Variants in GRIA4 observed in about 807,000 individuals in gnomAD.
GRIA4 encodes glutamate receptor 4.
GRIA4 carries 34 observed loss-of-function variants against 104.0 expected under a neutral mutation model. That is an observed-to-expected ratio of 0.33 (90% CI 0.25 to 0.44). The LOEUF is 0.44. Among genes scored for constraint, GRIA4 ranks in the 20% least tolerant of loss-of-function variants. The probability of loss-of-function intolerance (pLI) is 1.00; values close to 1 mark genes in which losing one functional copy is unlikely to be tolerated. For missense variants in GRIA4, 750 were observed against 1,096.5 expected, an observed-to-expected ratio of 0.68 and a Z score of 4.46; for synonymous variants, 386 against 381.9, an observed-to-expected ratio of 1.01 and a Z score of -0.13.
intron 4 of GRIA4, among the ~76,000 whole-genome samples, chr11:105,816,663 G>T (rs1424442858): frequency 2.5e-4 from 38 of 152,076 alleles, no homozygotes; most frequent in Admixed American, 2.5e-3. Context: ...ATGTCTCATA[G>T]TGTCTTACAT....
chr11:105,954,731 G>A (rs1039131427), intron 14 of GRIA4, among the ~76,000 whole-genome samples: 4 of 151,524 alleles, frequency 2.6e-5, no homozygotes, highest in African/African-American at 9.7e-5. Flanking sequence ...ACACTATAAC[G>A]CCAGAAGCTT....
intron 14 of GRIA4, among the ~76,000 whole-genome samples, chr11:105,938,160 G>C (rs1948095707): frequency 1.3e-5 from 2 of 152,158 alleles, no homozygotes; most frequent in Admixed American, 6.5e-5. Flanking sequence ...TGCTGGGGCA[G>C]GTGTATTAAA....
At chr11:105,908,978 G>C (rs2136159231) in intron 9 of GRIA4, among the ~76,000 whole-genome samples, 1 of 151,922 alleles carries the variant, frequency 6.6e-6, no homozygotes, top group African/African-American at 2.4e-5. Context: ...GGAGAGGGTG[G>C]GTCTCAAATA....
Position 105,866,754 on chromosome 11 carries a change from G to A in GRIA4, c.672+4546G>A, listed in dbSNP as rs1463776648. Among the ~76,000 whole-genome samples the A allele has an allele frequency of 2.0e-5, 3 of 151,622 alleles. No homozygotes were observed. In the South Asian group the frequency reaches 6.2e-4, roughly 32 times the overall value. ...AATACATTATGTAGAAAGTGATAAA[G>A]GATCTTACACTGCCTTGGGGGTTTT... On this transcript the variant is annotated intron_variant, in intron 5 of 16. Coordinates refer to ENST00000282499, the MANE Select transcript of GRIA4 (RefSeq NM_000829.4).
chr11:105,704,017 T>C lies in GRIA4; in HGVS notation c.248-48964T>C, dbSNP rs1013852652. ...GCATTATACAAATATCTTATATCTA[T>C]AATTCATTATTCCTCTATGTCTATA... On this transcript the variant is annotated intron_variant, in intron 3 of 16. Transcript: ENST00000282499. Among the ~76,000 whole-genome samples the C allele has an allele frequency of 1.6e-4, 25 of 152,184 alleles. 1 individual carries two copies. Among genetic ancestry groups the C allele is most frequent in the African/African-American group, 4.6e-4 (19 of 41,464 alleles).
chr11:105,979,645 G>A lies in GRIA4; in HGVS notation c.2615G>A (p.Arg872His), dbSNP rs756483110. Residue 872 changes from arginine (R) to histidine (H), a missense_variant, in exon 17 of 17, where the codon CGC becomes CAC. Physicochemically the swap from Arg to His is conservative, Grantham distance 29. Around this residue, in one of 3 missense-constraint regions of GRIA4, gnomAD observed 68 missense variants for 69.3 expected, o/e 0.98. Transcript: ENST00000282499. ...SITGSVGENG[R>H]VLTPDCPKAV... ...ACTGGGAGTGTGGGAGAGAATGGCC[G>A]CGTCTTGACGCCTGACTGCCCAAAG... The A allele has an allele frequency of 4.0e-5, 65 of 1,613,216 alleles. No individual in the cohort carries two copies. Among genetic ancestry groups the A allele is most frequent in the Middle Eastern group, 1.6e-4 (1 of 6,080 alleles).
chr11:105,911,398 C>T (rs922054872), intron 10 of GRIA4, among the ~76,000 whole-genome samples: 1 of 151,932 alleles, frequency 6.6e-6, no homozygotes, highest in Admixed American at 6.6e-5. Flanking sequence ...TTTTCTATCT[C>T]ATTTAAAGTT....
At chr11:105,662,753 A>G (rs1389277465) in intron 3 of GRIA4, among the ~76,000 whole-genome samples, 1 of 151,914 alleles carries the variant, frequency 6.6e-6, no homozygotes, top group African/African-American at 2.4e-5. Context: ...ATTAAAATAA[A>G]TGATGTGGCA....
intron 14 of GRIA4, among the ~76,000 whole-genome samples, chr11:105,954,389 G>GT (rs1293329995): frequency 6.6e-6 from 1 of 152,080 alleles, no homozygotes; most frequent in Admixed American, 6.6e-5. Context: ...TGAAAGCTTT[G>GT]TTTTTTACTA....
intron 14 of GRIA4, among the ~76,000 whole-genome samples, chr11:105,959,262 T>G (rs1356187816): frequency 1.3e-5 from 2 of 152,194 alleles, no homozygotes. Context: ...AATCGTAGGT[T>G]CTGTCCTTTT....
chr11:105,847,120 T>G (rs994394965), intron 4 of GRIA4, among the ~76,000 whole-genome samples: 11 of 152,148 alleles, frequency 7.2e-5, no homozygotes, highest in Middle Eastern at 6.8e-3. Flanking sequence ...GGGGACCGGT[T>G]TCCTGGAAGA....
chr11:105,674,585 A>G (rs962330101), intron 3 of GRIA4, among the ~76,000 whole-genome samples: 3 of 151,822 alleles, frequency 2.0e-5, no homozygotes, highest in Admixed American at 2.0e-4. Context: ...CATGACTTCC[A>G]TTTACCCGAA....
At chr11:105,878,877 GC>G (rs1363624670) in intron 5 of GRIA4, among the ~76,000 whole-genome samples, 1 of 152,166 alleles carries the variant, frequency 6.6e-6, no homozygotes, top group Admixed American at 6.5e-5. Flanking sequence ...CCTGGCTTCA[GC>G]CCCCCTTTCC....
At chr11:105,688,425 G>T (rs1022433846) in intron 3 of GRIA4, among the ~76,000 whole-genome samples, 29 of 152,172 alleles carry the variant, frequency 1.9e-4, no homozygotes, top group Middle Eastern at 3.4e-3. Flanking sequence ...GCCGGGCGTG[G>T]TGGCGTGCGC....
chr11:105,720,490 T>C (rs989235883), intron 3 of GRIA4, among the ~76,000 whole-genome samples: 12 of 152,176 alleles, frequency 7.9e-5, no homozygotes, highest in Non-Finnish European at 1.6e-4. Flanking sequence ...TGAAAATGTA[T>C]ATTTCTTGGT....
chr11:105,661,497 G>A (rs1242208658), intron 3 of GRIA4, among the ~76,000 whole-genome samples: 1 of 151,632 alleles, frequency 6.6e-6, no homozygotes, highest in Non-Finnish European at 1.5e-5. Flanking sequence ...GTAGAAAAAT[G>A]TGAAGATGGG....
intron 3 of GRIA4, among the ~76,000 whole-genome samples, chr11:105,626,737 C>T (rs1591460948): frequency 1.3e-5 from 2 of 152,214 alleles, no homozygotes; most frequent in East Asian, 3.9e-4. Flanking sequence ...GCCAACAGTT[C>T]TAGATTCAGG....
chr11:105,925,464 G>A (rs939618625), intron 12 of GRIA4, among the ~76,000 whole-genome samples: 2 of 152,062 alleles, frequency 1.3e-5, no homozygotes, highest in Non-Finnish European at 2.9e-5. Flanking sequence ...CATAGAGAAA[G>A]TAGCTGAAGG....
chr11:105,762,363 T>A (rs1460348029), intron 4 of GRIA4, among the ~76,000 whole-genome samples: 1 of 152,210 alleles, frequency 6.6e-6, no homozygotes, highest in Admixed American at 6.5e-5. Context: ...TGATACATTT[T>A]TGTTTAGAGT....
Sources: allele counts gnomAD v4.1 joint callset (sites outside exome capture counted in the v4.1 genomes callset), GRCh38; gene constraint gnomAD v4.1.1; regional missense constraint gnomAD v4.1.1; transcripts MANE v1.5; gene names NCBI Gene and HGNC (gene_info 2026-07-23, HGNC 2026-07-21).